PFKFB4: variants seen among roughly 807,000 people sequenced by gnomAD.
The protein encoded by PFKFB4 is 6-phosphofructo-2-kinase/fructose-2,6-biphosphatase 4, also known as 6-phosphofructo-2-kinase/fructose-2,6-bisphosphatase 4.
In PFKFB4, 42 loss-of-function variants were observed where a neutral mutation model predicts 62.8. That is an observed-to-expected ratio of 0.67 (90% CI 0.52 to 0.86). PFKFB4 has a LOEUF of 0.86. Ranked by LOEUF, PFKFB4 falls within the 40% of genes least tolerant of loss-of-function variation. PFKFB4 has a pLI of 0.00. For missense variants in PFKFB4, 475 were observed against 627.2 expected, an observed-to-expected ratio of 0.76 and a Z score of 2.59; for synonymous variants, 204 against 240.7, an observed-to-expected ratio of 0.85 and a Z score of 1.41.
rs2042865087 is a variant in PFKFB4 at position 48,543,599 on chromosome 3, T to C, written c.359A>G (p.Glu120Gly). 1 of 1,611,004 alleles carries C rather than the reference T, an allele frequency of 6.2e-7. No individual in the cohort carries two copies. The highest frequency in any genetic ancestry group is 1.7e-5 in the Admixed American group (1 of 59,634). ...ACTCACCGCCACATGTCCCCCCTCC[T>C]CACTAAGGAACCGCCGGACGTCACG... is the stretch of plus-strand genomic sequence containing the variant. ...ALRDVRRFLS[E>G]EGGHVAVFDA... The change falls in exon 4 of 14, where the codon GAG (glutamate) becomes GGG (glycine). Residue 120 changes from glutamate (E) to glycine (G), a missense_variant. By Grantham distance (98) the Glu-to-Gly change is moderately conservative. Coordinates refer to ENST00000232375, the MANE Select transcript of PFKFB4 (RefSeq NM_004567.4).
chr3:48,552,691 G>A (rs968759608), intron 1 of PFKFB4, among the ~76,000 whole-genome samples: 3 of 152,176 alleles, frequency 2.0e-5, no homozygotes, highest in Non-Finnish European at 2.9e-5. Flanking sequence ...CCCTGCTCCC[G>A]CTGATGGGGC....
rs1185138442 is a variant in PFKFB4, at chr3:48,553,053, CACA to C, written c.98-2822_98-2820del. On this transcript the variant is annotated intron_variant, in intron 1 of 13. Coordinates refer to ENST00000232375, the MANE Select transcript of PFKFB4 (RefSeq NM_004567.4). ...AGCCATAAGAAATTGCCAACTGAGG[CACA>C]ACAAGGAGGGAACACATTGCAGCTC... is the stretch of plus-strand genomic sequence containing the variant. Among the ~76,000 whole-genome samples the C allele has an allele frequency of 5.9e-5, 9 of 152,330 alleles. No homozygotes were observed. In the East Asian group the frequency reaches 1.7e-3, roughly 29 times the overall value.
At position 48,519,734 on chromosome 3, in the gene PFKFB4, T is replaced by C. The variant is rs1331170446; in HGVS notation, c.*13A>G. The C allele has an allele frequency of 6.2e-7, 1 of 1,608,126 alleles. No homozygotes were observed. On this transcript the variant is annotated 3_prime_UTR_variant, in exon 14 of 14. Transcript: ENST00000232375. ...AGCAGTGCCTGCCTAGTGGTCACAG[T>C]GGATGAACATGGTCACTGGTGAGCA...
Position 48,539,356 on chromosome 3 carries a change from G to T in PFKFB4, c.454-46C>A, listed in dbSNP as rs747330124. 1.9e-6 allele frequency: 3 copies of T among 1,549,996 alleles called. No individual in the cohort carries two copies. In the East Asian group the frequency reaches 6.7e-5, roughly 35 times the overall value. ...CCGGGGTGGTGGGAGGGAGGAACAC[G>T]GACATGTTCAGGGCCTCCCGCCTTG... On this transcript the variant is annotated intron_variant, in intron 5 of 13. Coordinates refer to ENST00000232375, the MANE Select transcript of PFKFB4 (RefSeq NM_004567.4).
rs2042027972 is a variant in PFKFB4 at position 48,519,667 on chromosome 3, A to G, written c.*80T>C. ...AATATCCCTGCATGGCATGGTGACTATCACACACACTGGAGGGCCTGGAAT... is the reference window on the plus strand; with the variant it reads ...AATATCCCTGCATGGCATGGTGACTGTCACACACACTGGAGGGCCTGGAAT... On this transcript the variant is annotated 3_prime_UTR_variant, in exon 14 of 14. Coordinates refer to ENST00000232375, the MANE Select transcript of PFKFB4 (RefSeq NM_004567.4). 9.3e-7 allele frequency: 1 copy of G among 1,072,276 alleles called. No homozygotes were observed. Among genetic ancestry groups the G allele is most frequent in the East Asian group, 2.4e-5 (1 of 41,920 alleles). 66.4% of individuals were successfully genotyped at this position (1,072,276 alleles called of 1,614,324 possible).
At position 48,551,951 on chromosome 3, in the gene PFKFB4, G is replaced by A. The variant is rs1056647566; in HGVS notation, c.98-1717C>T. Among the ~76,000 whole-genome samples, 43 of 152,268 alleles carry A rather than the reference G, an allele frequency of 2.8e-4. 1 individual carries two copies. Among genetic ancestry groups the A allele is most frequent in the Admixed American group, 2.7e-3 (42 of 15,292 alleles). ...GTAAAACCATAGCAGACAGGCAGATGAACAGATGTGGGGACCTGTCACTGC... is the reference window on the plus strand; with the variant it reads ...GTAAAACCATAGCAGACAGGCAGATAAACAGATGTGGGGACCTGTCACTGC... On this transcript the variant is annotated intron_variant, in intron 1 of 13. Transcript: ENST00000232375.
rs934325392 is a variant in PFKFB4, at chr3:48,545,976, G to A, written c.312-2330C>T. ...CATGCAGGAGAGACCTCAGGGCCCC[G>A]GTGGAGATGCTGAGGGAAGAGCCTG... On this transcript the variant is annotated intron_variant, in intron 3 of 13. Transcript: ENST00000232375. Among the ~76,000 whole-genome samples, 17 of 152,156 alleles carry A rather than the reference G, an allele frequency of 1.1e-4. 1 individual carries two copies. Among genetic ancestry groups the A allele is most frequent in the African/African-American group, 2.7e-4 (11 of 41,432 alleles).
upstream of PFKFB4, chr3:48,562,819 G>T (rs199600581): frequency 2.0e-4 from 313 of 1,570,316 alleles, no homozygotes; most frequent in Non-Finnish European, 4.1e-5. The surrounding 1 kb of genome is among the most constrained non-coding windows in gnomAD (Gnocchi z 4.3). Flanking sequence ...GGATGCGGGC[G>T]TTGGTGGTGG....
chr3:48,532,310 A>AAAATAAAT (rs549437504), intron 9 of PFKFB4, among the ~76,000 whole-genome samples: 4 of 152,130 alleles, frequency 2.6e-5, no homozygotes, highest in African/African-American at 9.7e-5. Context: ...ATTCCGTTTC[A>AAAATAAAT]AAATAAATAA....
Position 48,555,963 on chromosome 3 carries a change from G to C in PFKFB4, c.97+718C>G, listed in dbSNP as rs192764834. The stretch of plus-strand genomic sequence containing the variant: ...AGGACAGGCAGAAACTCAAGGAAGC[G>C]GTTTAAACACCTGGGACCCTAGGAG... On this transcript the variant is annotated intron_variant, in intron 1 of 13. Transcript: ENST00000232375. 2.8e-5 allele frequency: 10 copies of C among 352,606 alleles called. No individual in the cohort carries two copies. In the East Asian group the frequency reaches 7.7e-4, roughly 27 times the overall value. 21.8% of individuals were successfully genotyped at this position (352,606 alleles called of 1,614,324 possible). A position where few individuals can be genotyped will look rare whatever the true frequency, so the allele number is the denominator to read the frequency against.
At chr3:48,555,895 G>A (rs893520448) in intron 1 of PFKFB4, among the ~76,000 whole-genome samples, 9 of 151,292 alleles carry the variant, frequency 5.9e-5, no homozygotes, top group Non-Finnish European at 1.3e-4. Context: ...GCCACTGAGC[G>A]AGACTCATCT....
At chr3:48,527,090 T>C (rs2042286362) in intron 9 of PFKFB4, among the ~76,000 whole-genome samples, 1 of 151,924 alleles carries the variant, frequency 6.6e-6, no homozygotes, top group African/African-American at 2.4e-5. Flanking sequence ...AACTGGAAAC[T>C]AGGAAGAGGT....
chr3:48,551,789 C>G (rs2043165281), intron 1 of PFKFB4, among the ~76,000 whole-genome samples: 1 of 151,380 alleles, frequency 6.6e-6, no homozygotes, highest in African/African-American at 2.4e-5. Flanking sequence ...AGGTGATCTG[C>G]CTGCCTCGTC....
At position 48,524,032 on chromosome 3, in the gene PFKFB4, G is replaced by T. The variant is rs376994139; in HGVS notation, c.1093-202C>A. On this transcript the variant is annotated intron_variant, in intron 10 of 13. Coordinates refer to ENST00000232375, the MANE Select transcript of PFKFB4 (RefSeq NM_004567.4). Reference sequence around the variant, plus strand: ...GCCACCTTTCCCACCTCAGGGCTAGGTCCTGGTAGGATTGAGAGCGCAGAG... The same window carrying T: ...GCCACCTTTCCCACCTCAGGGCTAGTTCCTGGTAGGATTGAGAGCGCAGAG... 3.3e-5 allele frequency among the ~76,000 whole-genome samples: 5 copies of T among 152,294 alleles called. No individual in the cohort carries two copies. In the East Asian group the frequency reaches 7.7e-4, roughly 24 times the overall value.
At position 48,556,711 on chromosome 3, in the gene PFKFB4, G is replaced by T. The variant is rs368176407; in HGVS notation, c.67C>A (p.Arg23=). 1 of 1,599,978 alleles carries T rather than the reference G, an allele frequency of 6.3e-7. No homozygotes were observed. Among genetic ancestry groups the T allele is most frequent in the Admixed American group, 1.7e-5 (1 of 59,052 alleles). The part of the protein sequence containing the change: ...KKIWMPYSNG[R]PALHACQRGV... ...CGCTGGCAAGCGTGCAGAGCGGGCCGCCCATTGCTGTATGGCATCCAGATC... is the reference window on the plus strand; with the variant it reads ...CGCTGGCAAGCGTGCAGAGCGGGCCTCCCATTGCTGTATGGCATCCAGATC... The change falls in exon 1 of 14, where the codon CGG becomes AGG. Residue 23 remains arginine (R), a synonymous_variant. Transcript: ENST00000232375. This position sits in a 1 kb window ranked among gnomAD's most constrained non-coding sequence, Gnocchi z 5.7.
At chr3:48,543,181 A>G (rs1436406519) in intron 4 of PFKFB4, among the ~76,000 whole-genome samples, 1 of 152,194 alleles carries the variant, frequency 6.6e-6, no homozygotes, top group African/African-American at 2.4e-5. Flanking sequence ...AAGGGCCAAC[A>G]CACAGGTGGA....
intron 3 of PFKFB4, among the ~76,000 whole-genome samples, chr3:48,545,902 C>T (rs1321899637): frequency 6.6e-6 from 1 of 152,164 alleles, no homozygotes; most frequent in Admixed American, 6.5e-5. Flanking sequence ...TAGAGCCCCA[C>T]GTTCTGGGCT....
chr3:48,546,016 T>C (rs771532264), intron 3 of PFKFB4, among the ~76,000 whole-genome samples: 11 of 152,050 alleles, frequency 7.2e-5, no homozygotes, highest in East Asian at 1.9e-4. Flanking sequence ...CCTGTGTGTG[T>C]GCGTGTGTGT....
At chr3:48,559,353 C>A (rs921206444), upstream of PFKFB4, 2 of 373,300 alleles carry the variant, frequency 5.4e-6, no homozygotes, top group East Asian at 1.5e-4. Flanking sequence ...CTCCCATGGC[C>A]CTGTTTGTCA....
Sources: gnomAD v4.1 joint callset for allele counts (sites outside exome capture counted in the v4.1 genomes callset) on GRCh38, gnomAD v4.1.1 for gene constraint, Gnocchi (gnomAD v3.1) non-coding constraint, MANE v1.5 for transcripts, NCBI Gene and HGNC (gene_info 2026-07-23, HGNC 2026-07-21) for gene names.